The following TNS3 variants were observed in gnomAD, a reference collection of about 807,000 sequenced individuals.
TNS3 encodes the protein tensin-3.
Under a neutral mutation model 140.9 loss-of-function variants are expected in TNS3, and 45 were observed. The observed-to-expected ratio is 0.32, with a 90% CI of 0.25 to 0.41. The LOEUF is 0.41. TNS3 is among the 10% of genes least tolerant of loss of function. The pLI is 1.00. For synonymous variants in TNS3, 815 were observed against 788.4 expected (o/e 1.03, Z -0.56); for missense variants, 1,716 against 1,906.7 (o/e 0.90, Z 1.86).
chr7:47,489,462 C>A (rs1797732191), intron 3 of TNS3, among the ~76,000 whole-genome samples: 1 of 152,174 alleles, frequency 6.6e-6, no homozygotes, highest in Admixed American at 6.5e-5. Context: ...GTGCCCCTAT[C>A]CCAGATGGGC....
At chr7:47,545,012 C>G (rs968020732) in intron 1 of TNS3, among the ~76,000 whole-genome samples, 1 of 151,946 alleles carries the variant, frequency 6.6e-6, no homozygotes, top group Admixed American at 6.6e-5. Flanking sequence ...TTGAGCACCT[C>G]GAACACTAAA....
chr7:47,277,828 G>T lies in TNS3; in HGVS notation c.*248C>A, dbSNP rs1784935961. Reference sequence around the variant, plus strand: ...ACCCTAGGGGGTGGGGTGCACCCATGCCCAGCTTCTTCTACCCAAAAAGCA... The same window carrying T: ...ACCCTAGGGGGTGGGGTGCACCCATTCCCAGCTTCTTCTACCCAAAAAGCA... On this transcript the variant is annotated 3_prime_UTR_variant, in exon 31 of 31. Transcript: ENST00000311160. The T allele has an allele frequency of 5.2e-6, 3 of 575,206 alleles. No individual in the cohort carries two copies. The highest frequency in any genetic ancestry group is 9.5e-6 in the Non-Finnish European group (3 of 315,068). The allele number at this position is 575,206 out of a possible 1,614,324, so 35.6% of individuals were successfully genotyped here. A position where few individuals can be genotyped will look rare whatever the true frequency, so the allele number is the denominator to read the frequency against.
chr7:47,425,940 A>C (rs895078720), intron 9 of TNS3, among the ~76,000 whole-genome samples: 4 of 152,132 alleles, frequency 2.6e-5, no homozygotes, highest in Non-Finnish European at 5.9e-5. Flanking sequence ...ACATTGTAGA[A>C]ATGATCAAAA....
At chr7:47,311,089 T>C (rs1787062784) in intron 20 of TNS3, among the ~76,000 whole-genome samples, 1 of 152,210 alleles carries the variant, frequency 6.6e-6, no homozygotes, top group East Asian at 1.9e-4. Flanking sequence ...TACCCAGTAA[T>C]GGGATCACTG....
At chr7:47,412,869 T>C (rs1163901760) in intron 12 of TNS3, among the ~76,000 whole-genome samples, 2 of 152,236 alleles carry the variant, frequency 1.3e-5, no homozygotes, top group Non-Finnish European at 2.9e-5. Context: ...GAATTAGGTA[T>C]TGTTATGTAA....
At position 47,407,205 on chromosome 7, in the gene TNS3, G is replaced by A. The variant is rs1204835455; in HGVS notation, c.723+4522C>T. On this transcript the variant is annotated intron_variant, in intron 13 of 30. Transcript: ENST00000311160. This position sits in a 1 kb window ranked among gnomAD's most constrained non-coding sequence, Gnocchi z 4.1. ...CCCGACTCTGATGGGAGTGCTGGCA[G>A]TGACACCCTGGGTTTCTACTCTCCA... is the stretch of plus-strand genomic sequence containing the variant. Among the ~76,000 whole-genome samples, 2 of 152,200 alleles carry A rather than the reference G, an allele frequency of 1.3e-5. No homozygotes were observed. The highest frequency in any genetic ancestry group is 4.8e-5 in the African/African-American group (2 of 41,452).
At chr7:47,545,249 C>A (rs921710275) in intron 1 of TNS3, among the ~76,000 whole-genome samples, 2 of 151,332 alleles carry the variant, frequency 1.3e-5, no homozygotes, top group African/African-American at 4.9e-5. Context: ...AAGCGATTCT[C>A]CTGCCTCAGC....
At chr7:47,334,168 A>C (rs964732737) in intron 20 of TNS3, among the ~76,000 whole-genome samples, 3 of 152,128 alleles carry the variant, frequency 2.0e-5, no homozygotes, top group Admixed American at 2.0e-4. Flanking sequence ...ACCACTCCTG[A>C]TCAGTCTCAT....
chr7:47,294,493 G>A (rs1282148206), intron 24 of TNS3, among the ~76,000 whole-genome samples: 1 of 152,224 alleles, frequency 6.6e-6, no homozygotes, highest in Non-Finnish European at 1.5e-5. Flanking sequence ...AAAAGAACAA[G>A]AAGTCACTGC....
intron 20 of TNS3, among the ~76,000 whole-genome samples, chr7:47,317,122 C>T (rs923933039): frequency 1.4e-4 from 21 of 152,292 alleles, no homozygotes; most frequent in Middle Eastern, 3.4e-3. Flanking sequence ...CAACTGATTT[C>T]AGCAAATATG....
chr7:47,322,117 T>C (rs1584397308), intron 20 of TNS3, among the ~76,000 whole-genome samples: 1 of 148,936 alleles, frequency 6.7e-6, no homozygotes, highest in Non-Finnish European at 1.5e-5. Context: ...GACCAGGGTC[T>C]GGGTACATTA....
At chr7:47,470,876 CTTTCAAA>C (rs1044572562) in intron 4 of TNS3, among the ~76,000 whole-genome samples, 1 of 152,100 alleles carries the variant, frequency 6.6e-6, no homozygotes, top group African/African-American at 2.4e-5. Flanking sequence ...CAACCCACCA[CTTTCAAA>C]TTCCAGCTAC....
chr7:47,459,120 C>T (rs1796377781), intron 4 of TNS3, among the ~76,000 whole-genome samples: 1 of 152,128 alleles, frequency 6.6e-6, no homozygotes, highest in South Asian at 2.1e-4. Flanking sequence ...GAACATAATC[C>T]CTCTTTAACA....
At chr7:47,432,441 G>A (rs1794971572) in intron 8 of TNS3, among the ~76,000 whole-genome samples, 1 of 152,136 alleles carries the variant, frequency 6.6e-6, no homozygotes, top group African/African-American at 2.4e-5. Context: ...GGACATCTCA[G>A]CCCCTATAAA....
rs112022948 is a variant in TNS3, at chr7:47,389,079, A to T, written c.1024+7721T>A. Among the ~76,000 whole-genome samples, 9 of 62,142 alleles carry T rather than the reference A, an allele frequency of 1.4e-4. 2 individuals are homozygous for T. Among genetic ancestry groups the T allele is most frequent in the African/African-American group, 6.8e-4 (9 of 13,182 alleles). 40.8% of individuals were successfully genotyped at this position (62,142 alleles called of 152,430 possible). A position where few individuals can be genotyped will look rare whatever the true frequency, so the allele number is the denominator to read the frequency against. On this transcript the variant is annotated intron_variant, in intron 16 of 30. Transcript: ENST00000311160. ...GAAGAAGAAGAAGAAGAAGAAGAAG[A>T]AGAAGAGGAAGAGGAAGAGGAAGCG... is the stretch of plus-strand genomic sequence containing the variant.
intron 2 of TNS3, among the ~76,000 whole-genome samples, chr7:47,519,854 C>A (rs1181291476): frequency 1.7e-5 from 2 of 115,408 alleles, no homozygotes; most frequent in African/African-American, 6.6e-5. Context: ...GACGGAGTCT[C>A]GCTCTGTTGC....
chr7:47,366,469 G>T (rs776107857), intron 17 of TNS3, among the ~76,000 whole-genome samples: 1 of 152,200 alleles, frequency 6.6e-6, no homozygotes, highest in Non-Finnish European at 1.5e-5. Context: ...CAGGCACTGG[G>T]ATAGGGTTTC....
chr7:47,561,009 T>C (rs1311068761), intron 1 of TNS3, among the ~76,000 whole-genome samples: 1 of 152,192 alleles, frequency 6.6e-6, no homozygotes, highest in Non-Finnish European at 1.5e-5. Context: ...CATGAAAATA[T>C]CACTGTAACA....
intron 4 of TNS3, among the ~76,000 whole-genome samples, chr7:47,471,280 G>C (rs115487382): frequency 9.7e-4 from 148 of 152,300 alleles, no homozygotes; most frequent in African/African-American, 3.5e-3. Context: ...GCCTCACTAG[G>C]CAATTGTGCA....
Sources: allele counts gnomAD v4.1 joint callset (sites outside exome capture counted in the v4.1 genomes callset), GRCh38; gene constraint gnomAD v4.1.1; non-coding constraint Gnocchi (gnomAD v3.1); transcripts MANE v1.5; gene names NCBI Gene and HGNC (gene_info 2026-07-23, HGNC 2026-07-21).